CNTNAP5: variants seen among roughly 807,000 people sequenced by gnomAD.
CNTNAP5 encodes contactin associated protein family member 5, also known as contactin-associated protein-like 5.
CNTNAP5 carries 72 observed loss-of-function variants against 150.2 expected under a neutral mutation model. That is an observed-to-expected ratio of 0.48 (90% CI 0.40 to 0.58). The LOEUF is 0.58. Ranked by LOEUF, CNTNAP5 falls within the 20% of genes least tolerant of loss-of-function variation. The pLI, the probability that CNTNAP5 is intolerant of heterozygous loss-of-function variation, is 0.00. For missense variants in CNTNAP5, 1,636 were observed against 1,626.2 expected, an observed-to-expected ratio of 1.01 and a Z score of -0.10; for synonymous variants, 672 against 619.8, an observed-to-expected ratio of 1.08 and a Z score of -1.25.
At chr2:124,788,587 T>TTTTCTTTC (rs201590089) in intron 17 of CNTNAP5, among the ~76,000 whole-genome samples, 9 of 146,316 alleles carry the variant, frequency 6.2e-5, no homozygotes, top group East Asian at 2.0e-4. Context: ...TTTTCTTTCT[T>TTTTCTTTC]TTTCTTTCTT....
intron 1 of CNTNAP5, among the ~76,000 whole-genome samples, chr2:124,103,791 TAA>T (rs1194898835): frequency 2.0e-5 from 3 of 149,242 alleles, no homozygotes; most frequent in South Asian, 2.1e-4. Context: ...GACTGTATAT[TAA>T]GTTATATTAT....
At chr2:124,439,452 T>C (rs949526270) in intron 5 of CNTNAP5, among the ~76,000 whole-genome samples, 3 of 152,222 alleles carry the variant, frequency 2.0e-5, no homozygotes, top group African/African-American at 7.2e-5. Flanking sequence ...ATCAAAATCA[T>C]ATAACAAATG....
rs527614871 is a variant in CNTNAP5 at position 124,873,059 on chromosome 2, GT to G, written c.3436+3300del. On this transcript the variant is annotated intron_variant, in intron 21 of 23. Transcript: ENST00000682447. ...ACTGGGTAATTTATAAAGAAAAAAT[GT>G]TTAATTGACTTATGGTTCTACAAGC... 2.9e-3 allele frequency among the ~76,000 whole-genome samples: 443 copies of G among 152,186 alleles called. 3 individuals carry two copies. Among genetic ancestry groups the G allele is most frequent in the African/African-American group, 0.01 (424 of 41,540 alleles).
At chr2:124,171,782 T>C (rs1684939475) in intron 1 of CNTNAP5, among the ~76,000 whole-genome samples, 1 of 152,160 alleles carries the variant, frequency 6.6e-6, no homozygotes, top group Non-Finnish European at 1.5e-5. Flanking sequence ...AGAAAGGATT[T>C]CTGTCAGCCA....
At chr2:124,402,195 A>C (rs1168462488) in intron 3 of CNTNAP5, among the ~76,000 whole-genome samples, 1 of 152,172 alleles carries the variant, frequency 6.6e-6, no homozygotes, top group African/African-American at 2.4e-5. Flanking sequence ...AATGAATGAC[A>C]GTGAAGGCCA....
chr2:124,862,134 G>A (rs968191609), intron 19 of CNTNAP5, among the ~76,000 whole-genome samples: 1 of 152,150 alleles, frequency 6.6e-6, no homozygotes, highest in African/African-American at 2.4e-5. Context: ...TTTAAACTAA[G>A]TTTTATTTTA....
rs560657058 is a variant in CNTNAP5 at position 124,697,094 on chromosome 2, T to A, written c.2077+49136T>A. Among the ~76,000 whole-genome samples, 128 of 152,168 alleles carry A rather than the reference T, an allele frequency of 8.4e-4. 1 individual carries two copies. The highest frequency in any genetic ancestry group is 6.8e-3 in the Middle Eastern group (2 of 294). On this transcript the variant is annotated intron_variant, in intron 13 of 23. Coordinates refer to ENST00000682447, the MANE Select transcript of CNTNAP5 (RefSeq NM_001367498.1). ...TACAACTCAGATGCCTTGATTTTTT[T>A]AAAAAAAATCTTTATTTGTTTTAGA... is the stretch of plus-strand genomic sequence containing the variant.
At chr2:124,364,489 T>C (rs1016230792) in intron 3 of CNTNAP5, among the ~76,000 whole-genome samples, 2 of 152,178 alleles carry the variant, frequency 1.3e-5, no homozygotes, top group African/African-American at 4.8e-5. Flanking sequence ...ACTTATTTTG[T>C]CTCTGCCTAA....
At chr2:124,359,268 T>A (rs981033548) in intron 3 of CNTNAP5, among the ~76,000 whole-genome samples, 12 of 151,306 alleles carry the variant, frequency 7.9e-5, no homozygotes, top group African/African-American at 2.9e-4. Flanking sequence ...CCTGGATTCA[T>A]TGATTTTTTG....
chr2:124,049,590 A>G (rs1179457172), intron 1 of CNTNAP5, among the ~76,000 whole-genome samples: 1 of 152,212 alleles, frequency 6.6e-6, no homozygotes, highest in African/African-American at 2.4e-5. Context: ...CTGAATTTAA[A>G]CACAGGCTCT....
intron 6 of CNTNAP5, among the ~76,000 whole-genome samples, chr2:124,470,415 G>A (rs180854818): frequency 1.8e-4 from 28 of 151,966 alleles, no homozygotes; most frequent in Non-Finnish European, 2.9e-4. Flanking sequence ...TTTTTATGGG[G>A]TTGTTTTTTT....
At chr2:124,362,799 C>A (rs1317412824) in intron 3 of CNTNAP5, among the ~76,000 whole-genome samples, 2 of 152,310 alleles carry the variant, frequency 1.3e-5, no homozygotes, top group Middle Eastern at 3.4e-3. Context: ...AACTGCTTAA[C>A]AATGGATTTT....
intron 3 of CNTNAP5, among the ~76,000 whole-genome samples, chr2:124,301,546 T>C (rs1232150309): frequency 6.6e-6 from 1 of 152,186 alleles, no homozygotes; most frequent in African/African-American, 2.4e-5. Flanking sequence ...TTACTACCTA[T>C]AGTGCTATGT....
At chr2:124,771,117 G>T (rs1286877557) in intron 16 of CNTNAP5, among the ~76,000 whole-genome samples, 1 of 152,146 alleles carries the variant, frequency 6.6e-6, no homozygotes, top group African/African-American at 2.4e-5. Flanking sequence ...TTCAGTTAAG[G>T]TTTAAAGGCT....
At chr2:124,140,332 G>A (rs4474886) in intron 1 of CNTNAP5, among the ~76,000 whole-genome samples, 72,556 of 151,020 alleles carry the variant, frequency 0.48, 17,996 homozygotes, top group South Asian at 0.6. Context: ...CACCTCTGGG[G>A]GCAGGGCACA....
At chr2:124,428,149 C>T (rs1354109769) in intron 4 of CNTNAP5, among the ~76,000 whole-genome samples, 1 of 152,138 alleles carries the variant, frequency 6.6e-6, no homozygotes, top group Non-Finnish European at 1.5e-5. Context: ...GCCCTTCCCA[C>T]TTCCACTCCC....
chr2:124,596,039 A>C (rs1225460607), intron 11 of CNTNAP5, among the ~76,000 whole-genome samples: 15 of 116,450 alleles, frequency 1.3e-4, no homozygotes, highest in African/African-American at 5.1e-4. Flanking sequence ...TTTTTTCTTT[A>C]TTAGTCTTGC....
At chr2:124,221,597 G>A (rs1447680402) in intron 1 of CNTNAP5, 108 bp from the exon 2 acceptor site, 8 of 728,580 alleles carry the variant, frequency 1.1e-5, no homozygotes, top group Admixed American at 4.3e-5. Context: ...CTTGTTCAGA[G>A]CAGGTGGTTA....
intron 21 of CNTNAP5, among the ~76,000 whole-genome samples, chr2:124,895,183 A>T (rs2104752137): frequency 6.6e-6 from 1 of 151,528 alleles, no homozygotes; most frequent in Non-Finnish European, 1.5e-5. Flanking sequence ...TCATCTATCT[A>T]TTTCTTCATC....
Sources: allele counts gnomAD v4.1 joint callset (sites outside exome capture counted in the v4.1 genomes callset), GRCh38; gene constraint gnomAD v4.1.1; transcripts MANE v1.5; gene names NCBI Gene and HGNC (gene_info 2026-07-23, HGNC 2026-07-21).